The following CDHR2 variants were observed in gnomAD, a reference collection of about 807,000 sequenced individuals.
CDHR2 encodes cadherin related family member 2.
A neutral mutation model predicts 138.6 loss-of-function variants in CDHR2; 104 were observed. That is an observed-to-expected ratio of 0.75 (90% CI 0.64 to 0.88). CDHR2 has a LOEUF of 0.88. Among genes scored for constraint, CDHR2 ranks in the 40% least tolerant of loss-of-function variants. The pLI is 0.00. For missense variants in CDHR2, 1,624 were observed against 1,727.6 expected (o/e 0.94, Z 1.06); for synonymous variants, 755 against 742.8 (o/e 1.02, Z -0.27).
At chr5:176,567,114 G>A in intron 3 of CDHR2, 2 of 440,250 alleles carry the variant, frequency 4.5e-6, no homozygotes, top group Non-Finnish European at 9.2e-6. Flanking sequence ...GCTCCCTAAA[G>A]GCAAGTGCTA....
At chr5:176,593,195 G>A (rs1468003043) in intron 31 of CDHR2, among the ~76,000 whole-genome samples, 3 of 152,226 alleles carry the variant, frequency 2.0e-5, no homozygotes, top group Non-Finnish European at 4.4e-5. Context: ...TAGCAAAGGA[G>A]AGAAGATGGG....
chr5:176,587,317 G>A (rs1349692629), intron 21 of CDHR2, among the ~76,000 whole-genome samples: 9 of 152,052 alleles, frequency 5.9e-5, no homozygotes, highest in Non-Finnish European at 8.8e-5. Flanking sequence ...GTGTGGTGGT[G>A]CATGCCTGTA....
At chr5:176,547,764 A>G (rs1034169104), upstream of CDHR2, 6 of 152,184 alleles carry the variant, frequency 3.9e-5, no homozygotes, top group African/African-American at 1.4e-4. Context: ...TCAGGCGTAG[A>G]TTACCCTTAT....
Position 176,595,759 on chromosome 5 carries a change from G to A in CDHR2, c.*87G>A, listed in dbSNP as rs1759017280. ...CTCCCTGGAGATGAAAATATATGACGCTGCCCTGCCTCCTGCTTTTGGCCA... is the reference window on the plus strand; with the variant it reads ...CTCCCTGGAGATGAAAATATATGACACTGCCCTGCCTCCTGCTTTTGGCCA... On this transcript the variant is annotated 3_prime_UTR_variant, in exon 32 of 32. Coordinates refer to ENST00000261944, the MANE Select transcript of CDHR2 (RefSeq NM_017675.6). 5 of 1,289,338 alleles carry A rather than the reference G, an allele frequency of 3.9e-6. No homozygotes were observed. Among genetic ancestry groups the A allele is most frequent in the Admixed American group, 2.7e-5 (1 of 37,254 alleles). The allele number at this position is 1,289,338 out of a possible 1,614,324, so 79.9% of individuals were successfully genotyped here.
intron 16 of CDHR2, 46 bp downstream of exon 16, chr5:176,578,654 C>A (rs1758462465): frequency 1.3e-6 from 2 of 1,597,110 alleles, no homozygotes; most frequent in Non-Finnish European, 1.7e-6. Context: ...GGGAGGGGAC[C>A]AAGCCTGCTC....
In CDHR2 at chr5:176,568,667, C is replaced by T. The variant is rs1010490435; in HGVS notation, c.125-11C>T. 2 of 1,613,524 alleles carry T rather than the reference C, an allele frequency of 1.2e-6. No homozygotes were observed. Among genetic ancestry groups the T allele is most frequent in the South Asian group, 1.1e-5 (1 of 91,016 alleles). ...GCTGTGGACCCTGGGTGGCCCCTGT[C>T]CCATCCCCAGGTGCCCAGGCCTTCT... On this transcript the variant is annotated splice_polypyrimidine_tract_variant and intron_variant, in intron 3 of 31. Coordinates refer to ENST00000261944, the MANE Select transcript of CDHR2 (RefSeq NM_017675.6).
chr5:176,586,507 T>G, intron 20 of CDHR2: 1 of 478,650 alleles, frequency 2.1e-6, no homozygotes, highest in Non-Finnish European at 3.7e-6. Context: ...ACACTGGAGT[T>G]TTCATTCCAG....
chr5:176,572,082 T>C (rs1330163248), intron 6 of CDHR2, among the ~76,000 whole-genome samples: 1 of 152,042 alleles, frequency 6.6e-6, no homozygotes, highest in Non-Finnish European at 1.5e-5. Flanking sequence ...GTCTCTCATG[T>C]GGTGATAAAA....
chr5:176,555,044 C>A (rs1002568257), intron 1 of CDHR2, among the ~76,000 whole-genome samples: 1 of 152,228 alleles, frequency 6.6e-6, no homozygotes, highest in Non-Finnish European at 1.5e-5. Context: ...CTATTCATTG[C>A]TGTAATGTTT....
At chr5:176,563,575 C>A (rs962786635) in intron 1 of CDHR2, among the ~76,000 whole-genome samples, 5 of 152,048 alleles carry the variant, frequency 3.3e-5, no homozygotes, top group Admixed American at 3.3e-4. Flanking sequence ...GGCCTCAGGT[C>A]CTGTTTATAA....
In CDHR2 at chr5:176,543,392, C is replaced by T. The variant is rs1757503621; in HGVS notation, c.-16+623C>T. The T allele has an allele frequency of 6.6e-6, 1 of 150,564 alleles. No individual in the cohort carries two copies. The highest frequency in any genetic ancestry group is 2.4e-5 in the African/African-American group (1 of 41,210). 9.3% of individuals were successfully genotyped at this position (150,564 alleles called of 1,614,324 possible). On this transcript the variant is annotated intron_variant, in intron 1 of 31. Coordinates refer to the CDHR2 transcript ENST00000510636. The surrounding 1 kb of genome is among the most constrained non-coding windows in gnomAD (Gnocchi z 4.0). ...CCTCTCCGGCCCGGTGCAGGGGAAC[C>T]GTCCGCGGACCTCACCACCCGGGCG... is the stretch of plus-strand genomic sequence containing the variant.
At chr5:176,556,656 C>T (rs960083684) in intron 1 of CDHR2, 1 of 152,530 alleles carries the variant, frequency 6.6e-6, no homozygotes, top group Non-Finnish European at 1.5e-5. Flanking sequence ...CAGAGCGAGA[C>T]TCCGTCTCAA....
At chr5:176,589,461 G>A (rs959352078) in intron 23 of CDHR2, 23 bp downstream of exon 23, 2 of 1,609,406 alleles carry the variant, frequency 1.2e-6, no homozygotes, top group Non-Finnish European at 1.7e-6. Context: ...CCCACCTCCA[G>A]CCCCCAACGC....
chr5:176,575,504 AG>A lies in CDHR2; in HGVS notation c.770del. 1 of 1,614,150 alleles carries A rather than the reference AG, an allele frequency of 6.2e-7. No individual in the cohort carries two copies. The highest frequency in any genetic ancestry group is 8.5e-7 in the Non-Finnish European group (1 of 1,180,012). On this transcript the variant is annotated splice_acceptor_variant, in intron 9 of 31. Transcript: ENST00000261944. LOFTEE classifies it high-confidence loss of function. Reference sequence around the variant, plus strand: ...AGGAGCACTGACCAGGCCCCATTCCAGGGAACCTCGGTGCTGACGGTGGAGG... The same window carrying A: ...AGGAGCACTGACCAGGCCCCATTCCAGGAACCTCGGTGCTGACGGTGGAGG...
rs148423514 is a variant in CDHR2 at position 176,589,174 on chromosome 5, G to C, written c.3000G>C (p.Gly1000=). The change falls in exon 22 of 32, where the codon GGG becomes GGC. Residue 1000 remains glycine (G), a synonymous_variant. Transcript: ENST00000261944. The stretch of plus-strand genomic sequence containing the variant: ...CCTCCGAGGCCGACGTGTTCGCTGG[G>C]AGCATTCAGTAACTGCGGGCGGCCC... ...FTSSEADVFA[G]SIQPVTSLDS... is the part of the protein sequence containing the mutation. 9.9e-6 allele frequency: 16 copies of C among 1,614,118 alleles called. No individual in the cohort carries two copies. Among genetic ancestry groups the C allele is most frequent in the East Asian group, 4.5e-5 (2 of 44,886 alleles).
At chr5:176,584,138 C>T (rs749474512) in intron 17 of CDHR2, 52 bp from the exon 18 acceptor site, 27 of 1,500,152 alleles carry the variant, frequency 1.8e-5, no homozygotes, top group African/African-American at 2.7e-5. Flanking sequence ...CGGATTGGCT[C>T]TGGGGAGGGT....
At chr5:176,577,845 C>T (rs1565149) in intron 14 of CDHR2, 47 bp downstream of exon 14, 1,456,613 of 1,603,456 alleles carry the variant, frequency 0.91, 664,518 homozygotes, top group Non-Finnish European at 0.93. Flanking sequence ...AGCAAGCGGG[C>T]GTGCATGTGT....
Position 176,595,798 on chromosome 5 carries a change from G to A in CDHR2, c.*126G>A. 1 of 961,862 alleles carries A rather than the reference G, an allele frequency of 1.0e-6. No homozygotes were observed. The highest frequency in any genetic ancestry group is 2.1e-5 in the South Asian group (1 of 47,428). 59.6% of individuals were successfully genotyped at this position (961,862 alleles called of 1,614,324 possible). On this transcript the variant is annotated 3_prime_UTR_variant, in exon 32 of 32. Transcript: ENST00000261944. ...TGCTTTTGGCCAATCACGGCAGACA[G>A]GGGTTGGGGAAATATTTTATTACCA...
chr5:176,588,112 C>G (rs1758711355), intron 21 of CDHR2, among the ~76,000 whole-genome samples: 1 of 152,184 alleles, frequency 6.6e-6, no homozygotes. Flanking sequence ...GCTTCATGGT[C>G]TACTAGGGGA....
Sources: allele counts gnomAD v4.1 joint callset (sites outside exome capture counted in the v4.1 genomes callset), GRCh38; gene constraint gnomAD v4.1.1; non-coding constraint Gnocchi (gnomAD v3.1); transcripts MANE v1.5; gene names NCBI Gene and HGNC (gene_info 2026-07-23, HGNC 2026-07-21).